MEGF11: variants seen among roughly 807,000 people sequenced by gnomAD.
MEGF11 encodes multiple epidermal growth factor-like domains protein 11.
In MEGF11, 126 loss-of-function variants were observed where a neutral mutation model predicts 146.6. That is an observed-to-expected ratio of 0.86 (90% CI 0.74 to 1.00). The LOEUF is 1.00. Ranked by LOEUF, MEGF11 falls within the 50% of genes least tolerant of loss-of-function variation. The probability of loss-of-function intolerance (pLI) is 0.00; values close to 1 mark genes in which losing one functional copy is unlikely to be tolerated. For missense variants in MEGF11, 1,509 were observed against 1,521.2 expected (o/e 0.99, Z 0.13); for synonymous variants, 532 against 583.4 (o/e 0.91, Z 1.27).
Position 66,079,545 on chromosome 15 carries a change from C to CCA in MEGF11, c.394+14856_394+14857insTG, listed in dbSNP as rs1555468274. ...TGGGAACCTTCATTCACACCCCCCC[C>CCA]CCCAGCACCCCCGCCAAAACTCAGG... On this transcript the variant is annotated intron_variant, in intron 5 of 25. Transcript: ENST00000395614. Among the ~76,000 whole-genome samples, 5 of 122,894 alleles carry CCA rather than the reference C, an allele frequency of 4.1e-5. No homozygotes were observed. In the East Asian group the frequency reaches 6.8e-4, roughly 17 times the overall value. 80.6% of individuals were successfully genotyped at this position (122,894 alleles called of 152,430 possible).
intron 1 of MEGF11, among the ~76,000 whole-genome samples, chr15:66,202,644 C>A (rs2091195678): frequency 6.6e-6 from 1 of 152,250 alleles, no homozygotes; most frequent in Non-Finnish European, 1.5e-5. Context: ...CCCCAACTGT[C>A]CAACCAATAC....
At chr15:65,987,738 T>C (rs182293703) in intron 5 of MEGF11, among the ~76,000 whole-genome samples, 1 of 152,200 alleles carries the variant, frequency 6.6e-6, no homozygotes, top group East Asian at 1.9e-4. Flanking sequence ...TTTGACAGAG[T>C]CTTACTCTGT....
chr15:66,124,985 C>T (rs943506221), intron 2 of MEGF11, among the ~76,000 whole-genome samples: 3 of 152,212 alleles, frequency 2.0e-5, no homozygotes, highest in African/African-American at 7.2e-5. Context: ...GCCAGATGGC[C>T]GGGTCCAGGC....
chr15:66,174,443 G>T (rs967704271), intron 1 of MEGF11, among the ~76,000 whole-genome samples: 1 of 152,208 alleles, frequency 6.6e-6, no homozygotes. Flanking sequence ...CTGGGGATCA[G>T]GAGACCTGGA....
intron 10 of MEGF11, among the ~76,000 whole-genome samples, chr15:65,951,945 TG>T (rs2080418168): frequency 6.6e-6 from 1 of 151,908 alleles, no homozygotes; most frequent in Non-Finnish European, 1.5e-5. Context: ...GAGGTTACAG[TG>T]AGCTATGATT....
intron 5 of MEGF11, among the ~76,000 whole-genome samples, chr15:65,986,403 A>G (rs1194247636): frequency 1.3e-5 from 2 of 152,232 alleles, no homozygotes; most frequent in Non-Finnish European, 2.9e-5. Context: ...ATTGACAGGA[A>G]GAAGTGACAT....
intron 7 of MEGF11, among the ~76,000 whole-genome samples, chr15:65,971,528 A>T (rs767570550): frequency 3.3e-5 from 5 of 152,186 alleles, no homozygotes; most frequent in Non-Finnish European, 7.3e-5. Context: ...GCACAGATGA[A>T]GGTGGGGGTG....
At chr15:66,021,519 T>C (rs937373510) in intron 5 of MEGF11, among the ~76,000 whole-genome samples, 11 of 152,210 alleles carry the variant, frequency 7.2e-5, no homozygotes, top group African/African-American at 2.7e-4. Context: ...AGGTGAAGTC[T>C]GAAATAGAGG....
intron 1 of MEGF11, among the ~76,000 whole-genome samples, chr15:66,137,861 C>T (rs117817769): frequency 0.013 from 1,924 of 152,156 alleles, 15 homozygotes; most frequent in South Asian, 0.024. Context: ...TTACTTTCTT[C>T]TCTATATATT....
At chr15:65,940,421 T>C (rs1053613169) in intron 10 of MEGF11, among the ~76,000 whole-genome samples, 13 of 152,180 alleles carry the variant, frequency 8.5e-5, no homozygotes, top group African/African-American at 3.1e-4. Context: ...CTCTAAGCGC[T>C]AGGACAGTGG....
chr15:66,134,169 C>T (rs1012238714), intron 1 of MEGF11, among the ~76,000 whole-genome samples: 1 of 152,102 alleles, frequency 6.6e-6, no homozygotes, highest in Non-Finnish European at 1.5e-5. Flanking sequence ...AAAATCACAG[C>T]CTACCCTGGA....
chr15:66,160,486 G>C (rs1412962047), intron 1 of MEGF11, among the ~76,000 whole-genome samples: 1 of 152,092 alleles, frequency 6.6e-6, no homozygotes, highest in Non-Finnish European at 1.5e-5. Context: ...TACTCCCATT[G>C]GTTTAAAATA....
intron 10 of MEGF11, among the ~76,000 whole-genome samples, chr15:65,939,497 T>C (rs1395119166): frequency 6.6e-6 from 1 of 150,912 alleles, no homozygotes; most frequent in African/African-American, 2.4e-5. Context: ...CCCAACTTTT[T>C]TTTTTTTTTT....
intron 1 of MEGF11, among the ~76,000 whole-genome samples, chr15:66,204,067 A>T (rs1037030555): frequency 6.0e-5 from 9 of 150,796 alleles, no homozygotes; most frequent in Non-Finnish European, 1.5e-5. Context: ...AGACAGTAAG[A>T]TCTCATCTCT....
chr15:66,157,018 C>G (rs147409393), intron 1 of MEGF11, among the ~76,000 whole-genome samples: 2 of 152,118 alleles, frequency 1.3e-5, no homozygotes, highest in African/African-American at 4.8e-5. Context: ...TGGGGAAGCC[C>G]GGACTCAACC....
At chr15:66,110,377 T>C (rs1021347661) in intron 4 of MEGF11, among the ~76,000 whole-genome samples, 1 of 152,178 alleles carries the variant, frequency 6.6e-6, no homozygotes, top group Non-Finnish European at 1.5e-5. Flanking sequence ...ACTCTGAACA[T>C]TCTAAATCAA....
At chr15:66,106,862 C>T (rs1183176907) in intron 4 of MEGF11, among the ~76,000 whole-genome samples, 1 of 152,184 alleles carries the variant, frequency 6.6e-6, no homozygotes, top group Non-Finnish European at 1.5e-5. Context: ...GGGTAAAAGA[C>T]ACTGAATGGT....
At chr15:66,006,032 G>A (rs553531130) in intron 5 of MEGF11, among the ~76,000 whole-genome samples, 5 of 152,300 alleles carry the variant, frequency 3.3e-5, no homozygotes, top group Non-Finnish European at 4.4e-5. Context: ...AACCAGAGGC[G>A]CTGTACGATG....
chr15:66,069,339 G>A (rs1038828248), intron 5 of MEGF11, among the ~76,000 whole-genome samples: 3 of 152,172 alleles, frequency 2.0e-5, no homozygotes, highest in Admixed American at 6.5e-5. Flanking sequence ...GCAGGTGCCC[G>A]TACCTGCCAT....
Sources: allele counts gnomAD v4.1 joint callset (sites outside exome capture counted in the v4.1 genomes callset), GRCh38; gene constraint gnomAD v4.1.1; transcripts MANE v1.5; gene names NCBI Gene and HGNC (gene_info 2026-07-23, HGNC 2026-07-21).